CALN1: variants seen among roughly 807,000 people sequenced by gnomAD.
CALN1 encodes the protein calneuron 1, also known as calcium-binding protein 8.
CALN1 carries 17 observed loss-of-function variants against 30.6 expected under a neutral mutation model. That is an observed-to-expected ratio of 0.56 (90% CI 0.38 to 0.83). The LOEUF (loss-of-function observed/expected upper bound fraction) is 0.83, where lower values mean the gene tolerates loss of function less well. Among genes scored for constraint, CALN1 ranks in the 40% least tolerant of loss-of-function variants. The pLI, the probability that CALN1 is intolerant of heterozygous loss-of-function variation, is 0.00. For synonymous variants in CALN1, 156 were observed against 131.4 expected, an observed-to-expected ratio of 1.19 and a Z score of -1.28; for missense variants, 291 against 354.9, an observed-to-expected ratio of 0.82 and a Z score of 1.45.
At chr7:71,917,702 GACTC>G (rs1794750621) in intron 5 of CALN1, among the ~76,000 whole-genome samples, 2 of 146,652 alleles carry the variant, frequency 1.4e-5, no homozygotes, top group Non-Finnish European at 3.1e-5. Context: ...CAGATCATGA[GACTC>G]ACTCATTTTT....
intron 5 of CALN1, among the ~76,000 whole-genome samples, chr7:71,917,843 T>C (rs1794757661): frequency 6.6e-6 from 1 of 152,208 alleles, no homozygotes; most frequent in South Asian, 2.1e-4. Context: ...ATTGTGATTA[T>C]CTTACACAAA....
At chr7:71,933,192 G>A (rs942930061) in intron 5 of CALN1, among the ~76,000 whole-genome samples, 1 of 152,046 alleles carries the variant, frequency 6.6e-6, no homozygotes, top group African/African-American at 2.4e-5. Flanking sequence ...TTTGCCAGCC[G>A]TATGTACAGT....
At chr7:71,943,002 G>C (rs1010893828) in intron 5 of CALN1, among the ~76,000 whole-genome samples, 1 of 152,126 alleles carries the variant, frequency 6.6e-6, no homozygotes, top group South Asian at 2.1e-4. Flanking sequence ...TTTGATTCAA[G>C]TTGTCTCACC....
At chr7:72,337,286 T>TTGGC (rs1802130044) in intron 2 of CALN1, 3 of 985,174 alleles carry the variant, frequency 3.0e-6, no homozygotes, top group Non-Finnish European at 3.6e-6. Context: ...TGGGCTCGCC[T>TTGGC]TGGCCGCCTG....
intron 5 of CALN1, among the ~76,000 whole-genome samples, chr7:71,836,621 T>TC (rs1789620411): frequency 8.1e-6 from 1 of 123,408 alleles, no homozygotes; most frequent in Non-Finnish European, 1.8e-5. Context: ...TCTCTCTGTC[T>TC]CTTTTTTTTT....
chr7:72,166,206 T>C (rs990531637), intron 3 of CALN1, among the ~76,000 whole-genome samples: 1 of 152,130 alleles, frequency 6.6e-6, no homozygotes, highest in Non-Finnish European at 1.5e-5. Flanking sequence ...TGTTTTTTGT[T>C]TGTTTGTTTG....
intron 3 of CALN1, among the ~76,000 whole-genome samples, chr7:72,157,326 G>A (rs114317168): frequency 1.6e-3 from 236 of 152,176 alleles, no homozygotes; most frequent in African/African-American, 5.6e-3. Context: ...CTTAAAATAC[G>A]CTGGCTGGGT....
chr7:71,967,101 AATGG>A (rs1263120134), intron 5 of CALN1, among the ~76,000 whole-genome samples: 1 of 152,218 alleles, frequency 6.6e-6, no homozygotes, highest in Non-Finnish European at 1.5e-5. Flanking sequence ...AACAGTTCAA[AATGG>A]AAACAACTTA....
rs1010635078 is a variant in CALN1, at chr7:71,978,262, CTTTTTTTTTTTTTTTTTTT to C, written c.501+45376_501+45394del. On this transcript the variant is annotated intron_variant, in intron 5 of 6. Transcript: ENST00000395275. ...AAAAACTCAGGGACTCTAGAGAATTCTTTTTTTTTTTTTTTTTTTTTTTTTTTGAGGGGGAGTCTTGCTC... is the reference window on the plus strand; with the variant it reads ...AAAAACTCAGGGACTCTAGAGAATTCTTTTTTTTGAGGGGGAGTCTTGCTC... 7.3e-3 allele frequency among the ~76,000 whole-genome samples: 535 copies of C among 72,966 alleles called. 11 individuals carry two copies. Among genetic ancestry groups the C allele is most frequent in the African/African-American group, 0.029 (506 of 17,668 alleles). 47.9% of individuals were successfully genotyped at this position (72,966 alleles called of 152,430 possible). A position where few individuals can be genotyped will look rare whatever the true frequency, so the allele number is the denominator to read the frequency against.
At chr7:71,971,953 A>AAAAAAAAAAAAAG (rs1797839188) in intron 5 of CALN1, among the ~76,000 whole-genome samples, 4 of 72,842 alleles carry the variant, frequency 5.5e-5, no homozygotes, top group African/African-American at 2.1e-4. Flanking sequence ...AAAAAAAAAA[A>AAAAAAAAAAAAAG]AAAGAAAGAA....
intron 5 of CALN1, among the ~76,000 whole-genome samples, chr7:71,817,078 C>T (rs975885351): frequency 3.3e-5 from 5 of 152,102 alleles, no homozygotes; most frequent in African/African-American, 1.2e-4. Context: ...TTCCATATAT[C>T]ACCTATATTG....
In CALN1 at chr7:72,424,604, A is replaced by T. The variant is rs548328059; in HGVS notation, c.-225-12329T>A. Among the ~76,000 whole-genome samples, 21 of 150,762 alleles carry T rather than the reference A, an allele frequency of 1.4e-4. 1 individual carries two copies. The highest frequency in any genetic ancestry group is 2.1e-4 in the South Asian group (1 of 4,724). Reference sequence around the variant, plus strand: ...TCTGTCTCTTAATTTATTTTATTTTATTTTTTTTTAGAGAACGTGTCTCAC... The same window carrying T: ...TCTGTCTCTTAATTTATTTTATTTTTTTTTTTTTTAGAGAACGTGTCTCAC... On this transcript the variant is annotated intron_variant, in intron 1 of 6. Coordinates refer to the CALN1 transcript ENST00000395276.
In CALN1 at chr7:71,831,973, A is replaced by G. The variant is rs1789315991; in HGVS notation, c.502-21481T>C. ...CAAAAATATGCAAAGTAATACAAAT[A>G]TAAGACATACTGTTGATAGGCCCGT... On this transcript the variant is annotated intron_variant, in intron 5 of 6. Transcript: ENST00000395275. 2.0e-5 allele frequency among the ~76,000 whole-genome samples: 3 copies of G among 151,964 alleles called. No individual in the cohort carries two copies. The South Asian group carries it at 6.2e-4, about 32-fold the overall frequency.
chr7:71,901,107 C>T (rs1296487087), intron 5 of CALN1, among the ~76,000 whole-genome samples: 5 of 152,118 alleles, frequency 3.3e-5, no homozygotes, highest in Non-Finnish European at 7.3e-5. Context: ...TGGACTTGCT[C>T]TCAAATTATT....
chr7:72,054,028 T>C (rs1051458196), intron 4 of CALN1, among the ~76,000 whole-genome samples: 9 of 152,178 alleles, frequency 5.9e-5, no homozygotes, highest in African/African-American at 2.2e-4. Context: ...CCACAATTTC[T>C]TTATCCACTC....
At chr7:72,067,381 A>C (rs1269139702) in intron 4 of CALN1, among the ~76,000 whole-genome samples, 2 of 151,912 alleles carry the variant, frequency 1.3e-5, no homozygotes, top group South Asian at 2.1e-4. Flanking sequence ...AACTGGGACT[A>C]CAGATGCTAT....
intron 2 of CALN1, among the ~76,000 whole-genome samples, chr7:72,396,496 A>G (rs984050223): frequency 6.6e-6 from 1 of 152,042 alleles, no homozygotes; most frequent in African/African-American, 2.4e-5. Context: ...GGAAGAAAGA[A>G]GACACTGGTG....
chr7:71,908,916 T>G (rs549865996), intron 5 of CALN1, among the ~76,000 whole-genome samples: 1 of 152,354 alleles, frequency 6.6e-6, no homozygotes, highest in African/African-American at 2.4e-5. Context: ...GGGACGTCCT[T>G]TCAGGGATCC....
intron 3 of CALN1, among the ~76,000 whole-genome samples, chr7:72,165,827 A>C (rs1407935571): frequency 1.3e-5 from 2 of 152,062 alleles, no homozygotes; most frequent in Non-Finnish European, 2.9e-5. Context: ...AATGCCAGGT[A>C]GCCAGGTTAA....
Sources: allele counts gnomAD v4.1 joint callset (sites outside exome capture counted in the v4.1 genomes callset), GRCh38; gene constraint gnomAD v4.1.1; transcripts MANE v1.5; gene names NCBI Gene and HGNC (gene_info 2026-07-23, HGNC 2026-07-21).